SLC14A2: variants seen among roughly 807,000 people sequenced by gnomAD.
SLC14A2 encodes the protein solute carrier family 14 member 2.
SLC14A2 carries 91 observed loss-of-function variants against 104.6 expected under a neutral mutation model. The ratio of observed to expected loss-of-function variants is 0.87; its 90% CI spans 0.73 to 1.04. The LOEUF (loss-of-function observed/expected upper bound fraction) is 1.04. Ranked by LOEUF, SLC14A2 falls within the 50% of genes least tolerant of loss-of-function variation. The probability of loss-of-function intolerance (pLI) is 0.00; values close to 1 mark genes in which losing one functional copy is unlikely to be tolerated. For synonymous variants in SLC14A2, 476 were observed against 466.4 expected, an observed-to-expected ratio of 1.02 and a Z score of -0.27; for missense variants, 1,189 against 1,156.0, an observed-to-expected ratio of 1.03 and a Z score of -0.41.
chr18:45,523,390 C>T (rs892629267), intron 2 of SLC14A2, among the ~76,000 whole-genome samples: 2 of 151,668 alleles, frequency 1.3e-5, no homozygotes, highest in Admixed American at 6.6e-5. Flanking sequence ...AGTGCAGTGG[C>T]GCAATCTCGG....
intron 1 of SLC14A2, among the ~76,000 whole-genome samples, chr18:45,384,802 A>C (rs1407969222): frequency 6.6e-6 from 1 of 152,190 alleles, no homozygotes; most frequent in Admixed American, 6.5e-5. Context: ...TGTTGTGGGG[A>C]GATGGGAAGT....
chr18:45,271,627 A>T (rs1400075023), intron 1 of SLC14A2, among the ~76,000 whole-genome samples: 2 of 152,112 alleles, frequency 1.3e-5, no homozygotes, highest in African/African-American at 4.8e-5. Context: ...AAACTATAAA[A>T]CACTGATGAA....
chr18:45,272,257 A>G (rs1337984182), intron 1 of SLC14A2, among the ~76,000 whole-genome samples: 1 of 152,128 alleles, frequency 6.6e-6, no homozygotes, highest in Non-Finnish European at 1.5e-5. Context: ...TATCCAAAAG[A>G]AAGGAAATCA....
chr18:45,564,726 G>A (rs1455426917), intron 2 of SLC14A2, among the ~76,000 whole-genome samples: 5 of 152,112 alleles, frequency 3.3e-5, no homozygotes, highest in African/African-American at 1.2e-4. Context: ...GACTGTGTAC[G>A]TGCATTGTGC....
intron 1 of SLC14A2, among the ~76,000 whole-genome samples, chr18:45,302,155 A>C (rs1016854591): frequency 2.0e-5 from 3 of 152,246 alleles, no homozygotes; most frequent in Non-Finnish European, 2.9e-5. Context: ...CCTGATGCTC[A>C]GTACTCCTTT....
At chr18:45,345,055 A>C (rs2085434043) in intron 1 of SLC14A2, among the ~76,000 whole-genome samples, 1 of 152,280 alleles carries the variant, frequency 6.6e-6, no homozygotes, top group East Asian at 1.9e-4. Context: ...AGCCTGAGAC[A>C]GTGTGTAATG....
At chr18:45,227,369 T>C (rs753842209) in intron 1 of SLC14A2, among the ~76,000 whole-genome samples, 1 of 152,214 alleles carries the variant, frequency 6.6e-6, no homozygotes, top group Non-Finnish European at 1.5e-5. Flanking sequence ...TGTGCTGTTA[T>C]AACAGAATAC....
chr18:45,267,344 A>G (rs143517027), intron 1 of SLC14A2, among the ~76,000 whole-genome samples: 21 of 151,810 alleles, frequency 1.4e-4, no homozygotes, highest in African/African-American at 5.1e-4. Flanking sequence ...TAACTCCACA[A>G]CATTTTCTGA....
At chr18:45,340,543 G>A (rs1021215516) in intron 1 of SLC14A2, among the ~76,000 whole-genome samples, 3 of 152,194 alleles carry the variant, frequency 2.0e-5, no homozygotes, top group African/African-American at 7.2e-5. Context: ...ATCATAGAAT[G>A]CCTAACAGAA....
At chr18:45,307,815 T>C (rs1208788346) in intron 1 of SLC14A2, among the ~76,000 whole-genome samples, 1 of 152,250 alleles carries the variant, frequency 6.6e-6, no homozygotes, top group East Asian at 1.9e-4. Flanking sequence ...GAATGCTATA[T>C]TAGTTAGTTT....
At chr18:45,226,967 C>T (rs1336644870) in intron 1 of SLC14A2, among the ~76,000 whole-genome samples, 4 of 152,044 alleles carry the variant, frequency 2.6e-5, no homozygotes, top group Non-Finnish European at 5.9e-5. Flanking sequence ...GTTCTTGTGC[C>T]CTTTTGCTCA....
At position 45,682,646 on chromosome 18, in the gene SLC14A2, C is replaced by T. The variant is rs193190761; in HGVS notation, c.*127C>T. 14 of 740,252 alleles carry T rather than the reference C, an allele frequency of 1.9e-5. No homozygotes were observed. Among genetic ancestry groups the T allele is most frequent in the African/African-American group, 1.0e-4 (6 of 57,782 alleles). 45.9% of individuals were successfully genotyped at this position (740,252 alleles called of 1,614,324 possible). A position where few individuals can be genotyped will look rare whatever the true frequency, so the allele number is the denominator to read the frequency against. On this transcript the variant is annotated 3_prime_UTR_variant, in exon 20 of 20. Transcript: ENST00000255226. ...GACTCTCTCCCCAAACACAAAGAAG[C>T]GTGTATGTAGTCACCATTCCAGAAC...
At chr18:45,641,395 C>G (rs767762790) in intron 8 of SLC14A2, 52 bp downstream of exon 8, 1 of 1,605,648 alleles carries the variant, frequency 6.2e-7, no homozygotes, top group Non-Finnish European at 8.5e-7. Flanking sequence ...TTCCTTCCCC[C>G]CTTGTTTATG....
At chr18:45,595,702 G>A (rs2044711111) in intron 2 of SLC14A2, among the ~76,000 whole-genome samples, 1 of 152,202 alleles carries the variant, frequency 6.6e-6, no homozygotes, top group African/African-American at 2.4e-5. Flanking sequence ...TAGGAGGGTT[G>A]CTGTGAGGAT....
At chr18:45,195,670 G>A in the SLC14A2 span, among the ~76,000 whole-genome samples, 3 of 152,194 alleles carry the variant, frequency 2.0e-5, no homozygotes, top group African/African-American at 7.2e-5. Flanking sequence ...GATTGCAGGT[G>A]TGAGCCACTG....
intron 1 of SLC14A2, among the ~76,000 whole-genome samples, chr18:45,251,786 C>A (rs914008884): frequency 1.3e-5 from 2 of 152,168 alleles, no homozygotes; most frequent in Non-Finnish European, 2.9e-5. Context: ...GACTCTATCT[C>A]CAAATACAGC....
intron 1 of SLC14A2, among the ~76,000 whole-genome samples, chr18:45,323,909 C>G (rs752171948): frequency 3.3e-5 from 5 of 152,178 alleles, no homozygotes; most frequent in African/African-American, 1.2e-4. Context: ...CATCACCCTT[C>G]TCAGAGATGA....
At chr18:45,462,044 C>T (rs2087054879) in intron 1 of SLC14A2, among the ~76,000 whole-genome samples, 1 of 152,114 alleles carries the variant, frequency 6.6e-6, no homozygotes, top group Admixed American at 6.5e-5. Flanking sequence ...AGAAACCTGG[C>T]CCTCTCCAAG....
Position 45,213,257 on chromosome 18 carries a change from G to C in SLC14A2, c.-125+66G>C, listed in dbSNP as rs567230589. On this transcript the variant is annotated intron_variant, in intron 1 of 20. Coordinates refer to the SLC14A2 transcript ENST00000586448. The stretch of plus-strand genomic sequence containing the variant: ...ATCTAGAAGGAAAACTCTGTATGCT[G>C]TAATTATATGGCTTTCTGAATTCAC... The C allele has an allele frequency of 3.3e-5, 5 of 152,166 alleles. No homozygotes were observed. In the East Asian group the frequency reaches 9.7e-4, roughly 29 times the overall value. The allele number at this position is 152,166 out of a possible 1,614,324, so 9.4% of individuals were successfully genotyped here. A position where few individuals can be genotyped will look rare whatever the true frequency, so the allele number is the denominator to read the frequency against.
Sources: allele counts gnomAD v4.1 joint callset (sites outside exome capture counted in the v4.1 genomes callset), GRCh38; gene constraint gnomAD v4.1.1; transcripts MANE v1.5; gene names NCBI Gene and HGNC (gene_info 2026-07-23, HGNC 2026-07-21).